HERC5: variants seen among roughly 807,000 people sequenced by gnomAD.
HERC5 encodes HECT and RLD domain containing E3 ubiquitin protein ligase 5, also known as E3 ISG15--protein ligase HERC5.
In HERC5, 99 loss-of-function variants were observed where a neutral mutation model predicts 119.6. The ratio of observed to expected loss-of-function variants is 0.83; its 90% CI spans 0.70 to 0.98. The LOEUF (loss-of-function observed/expected upper bound fraction) is 0.98. Among genes scored for constraint, HERC5 ranks in the 50% least tolerant of loss-of-function variants. HERC5 has a pLI of 0.00. For synonymous variants in HERC5, 478 were observed against 445.9 expected (o/e 1.07, Z -0.91); for missense variants, 1,267 against 1,241.3 (o/e 1.02, Z -0.31).
Position 88,463,614 on chromosome 4 carries a change from A to G in HERC5, c.771A>G (p.Leu257=), listed in dbSNP as rs1443522845. 1 of 1,611,702 alleles carries G rather than the reference A, an allele frequency of 6.2e-7. No homozygotes were observed. Among genetic ancestry groups the G allele is most frequent in the Non-Finnish European group, 8.5e-7 (1 of 1,178,532 alleles). Residue 257 remains leucine (L), a synonymous_variant, in exon 5 of 23, where the codon CTA becomes CTG. Coordinates refer to ENST00000264350, the MANE Select transcript of HERC5 (RefSeq NM_016323.4). Reference sequence around the variant, plus strand: ...CTTGTGGTGGCTCTCACAGTGCCCTACTCACACAGGTGGGTGTACCCTTGT... The same window carrying G: ...CTTGTGGTGGCTCTCACAGTGCCCTGCTCACACAGGTGGGTGTACCCTTGT... ...FVACGGSHSA[L]LTQDGLLFTF... is the part of the protein sequence containing the mutation.
chr4:88,463,905 T>A lies in HERC5; in HGVS notation c.831T>A (p.His277Gln), dbSNP rs374092530. ...CTGGAAAACATGGGCAACTTGGTCATAATTCAACACAGAATGAGCTAAGAC... is the reference window on the plus strand; with the variant it reads ...CTGGAAAACATGGGCAACTTGGTCAAAATTCAACACAGAATGAGCTAAGAC... ...FGAGKHGQLG[H>Q]NSTQNELRPC... Residue 277 changes from histidine (H) to glutamine (Q), a missense_variant, in exon 6 of 23, where the codon CAT becomes CAA. Physicochemically the swap from His to Gln is conservative, Grantham distance 24. Coordinates refer to ENST00000264350, the MANE Select transcript of HERC5 (RefSeq NM_016323.4). 205 of 1,613,986 alleles carry A rather than the reference T, an allele frequency of 1.3e-4. 2 individuals carry two copies. The highest frequency in any genetic ancestry group is 6.6e-4 in the Middle Eastern group (4 of 6,084).
intron 1 of HERC5, among the ~76,000 whole-genome samples, chr4:88,458,321 G>A (rs1740261729): frequency 1.3e-5 from 2 of 151,520 alleles, no homozygotes; most frequent in South Asian, 4.2e-4. Flanking sequence ...AGGCTTATGG[G>A]TTTTATGTTA....
intron 13 of HERC5, among the ~76,000 whole-genome samples, chr4:88,482,228 T>C (rs1428387581): frequency 6.6e-6 from 1 of 151,060 alleles, no homozygotes; most frequent in Non-Finnish European, 1.5e-5. Flanking sequence ...GAGAGTCGCT[T>C]GAATCCAGGA....
chr4:88,458,282 G>A (rs1301223077), intron 1 of HERC5, among the ~76,000 whole-genome samples: 3 of 152,078 alleles, frequency 2.0e-5, no homozygotes, highest in African/African-American at 7.2e-5. Context: ...ATTTTTTGGG[G>A]GGTAGTCTGT....
intron 16 of HERC5, among the ~76,000 whole-genome samples, chr4:88,492,000 T>C (rs1452617202): frequency 2.0e-5 from 3 of 152,022 alleles, no homozygotes; most frequent in Non-Finnish European, 4.4e-5. Context: ...TCCTGATTTT[T>C]ATTATTTATT....
chr4:88,473,948 A>G (rs1476838605), intron 11 of HERC5: 1 of 152,186 alleles, frequency 6.6e-6, no homozygotes, highest in African/African-American at 2.4e-5. Flanking sequence ...GAATAAGATG[A>G]TTGGATTAGA....
chr4:88,492,645 C>G (rs1405934815), intron 16 of HERC5, among the ~76,000 whole-genome samples: 2 of 151,942 alleles, frequency 1.3e-5, no homozygotes, highest in African/African-American at 4.8e-5. Flanking sequence ...ACTCTGGGGG[C>G]TGAGGCAGGA....
intron 9 of HERC5, among the ~76,000 whole-genome samples, chr4:88,470,162 A>T (rs946843209): frequency 6.6e-6 from 1 of 152,218 alleles, no homozygotes; most frequent in African/African-American, 2.4e-5. Context: ...GTTGCATCAT[A>T]ATTTGCAGAG....
At chr4:88,466,539 ATCACTTGGGGAAT>A (rs1740673563) in intron 6 of HERC5, among the ~76,000 whole-genome samples, 1 of 152,176 alleles carries the variant, frequency 6.6e-6, no homozygotes, top group Non-Finnish European at 1.5e-5. Flanking sequence ...ACTCTCCTCT[ATCACTTGGGGAAT>A]TCTGTGGGTT....
rs868461732 is a variant in HERC5, at chr4:88,462,673, C to A, written c.688+317C>A. Reference sequence around the variant, plus strand: ...CCCAGTCACTAAACTTTTCTCTAGACCTCATTTTCTTTTTCTGTCAAGTGA... The same window carrying A: ...CCCAGTCACTAAACTTTTCTCTAGAACTCATTTTCTTTTTCTGTCAAGTGA... On this transcript the variant is annotated intron_variant, in intron 4 of 22. Coordinates refer to ENST00000264350, the MANE Select transcript of HERC5 (RefSeq NM_016323.4). Among the ~76,000 whole-genome samples the A allele has an allele frequency of 3.3e-5, 5 of 152,288 alleles. No homozygotes were observed. The South Asian group carries it at 8.3e-4, about 25-fold the overall frequency.
At chr4:88,460,065 A>T in intron 2 of HERC5, 30 bp from the exon 3 acceptor site, 1 of 1,183,396 alleles carries the variant, frequency 8.5e-7, no homozygotes, top group Non-Finnish European at 1.3e-6. Flanking sequence ...CATTATGGTG[A>T]TTAACACAAA....
chr4:88,494,370 CAT>C, intron 18 of HERC5, 39 bp downstream of exon 18: 1 of 1,539,226 alleles, frequency 6.5e-7, no homozygotes, highest in Non-Finnish European at 8.9e-7. Flanking sequence ...CCCTTTCTAA[CAT>C]ATATTTAGGC....
chr4:88,459,498 ATTAATT>A lies in HERC5; in HGVS notation c.389+34_389+39del, dbSNP rs1416706597. The A allele has an allele frequency of 5.3e-6, 7 of 1,317,466 alleles. No homozygotes were observed. The South Asian group carries it at 1.0e-4, about 19-fold the overall frequency. 81.6% of individuals were successfully genotyped at this position (1,317,466 alleles called of 1,614,324 possible). ...AGGGAACTTTTTTCTTTTATTAAAAATTAATTTTAATCAAAAGACAATAATAATTTC... is the reference window on the plus strand; with the variant it reads ...AGGGAACTTTTTTCTTTTATTAAAAATTAATCAAAAGACAATAATAATTTC... On this transcript the variant is annotated intron_variant, in intron 2 of 22. Coordinates refer to ENST00000264350, the MANE Select transcript of HERC5 (RefSeq NM_016323.4).
chr4:88,500,850 T>C, intron 19 of HERC5, 65 bp from the exon 20 acceptor site: 1 of 1,205,358 alleles, frequency 8.3e-7, no homozygotes, highest in East Asian at 2.4e-5. Flanking sequence ...CCAAAGTGTT[T>C]TTATTGATGA....
chr4:88,469,142 C>G lies in HERC5; in HGVS notation c.1135-15C>G, dbSNP rs1388981740. Reference sequence around the variant, plus strand: ...TGTCTAAATTATTGTATTTTACTTTCCTGTTTGTTTACAGAATTCATATGT... The same window carrying G: ...TGTCTAAATTATTGTATTTTACTTTGCTGTTTGTTTACAGAATTCATATGT... On this transcript the variant is annotated splice_polypyrimidine_tract_variant and intron_variant, in intron 8 of 22. Coordinates refer to ENST00000264350, the MANE Select transcript of HERC5 (RefSeq NM_016323.4). 1 of 1,550,354 alleles carries G rather than the reference C, an allele frequency of 6.5e-7. No individual in the cohort carries two copies. The highest frequency in any genetic ancestry group is 8.9e-7 in the Non-Finnish European group (1 of 1,123,416).
At chr4:88,466,996 T>C in intron 6 of HERC5, 63 bp from the exon 7 acceptor site, 1 of 1,542,318 alleles carries the variant, frequency 6.5e-7, no homozygotes, top group East Asian at 2.3e-5. Flanking sequence ...ATTTACTGTA[T>C]TGCTAAACAC....
At chr4:88,480,484 A>C (rs2149098242) in intron 13 of HERC5, among the ~76,000 whole-genome samples, 1 of 152,098 alleles carries the variant, frequency 6.6e-6, no homozygotes, top group South Asian at 2.1e-4. Context: ...TCTATGAGAA[A>C]ACATGCTGCT....
At chr4:88,489,067 C>T in intron 15 of HERC5, 99 bp from the exon 16 acceptor site, 1 of 870,754 alleles carries the variant, frequency 1.1e-6, no homozygotes, top group Non-Finnish European at 1.8e-6. Context: ...ATGTGACCTG[C>T]ACTTATAAGC....
At chr4:88,459,046 T>G (rs1478766541) in intron 1 of HERC5, among the ~76,000 whole-genome samples, 2 of 152,230 alleles carry the variant, frequency 1.3e-5, no homozygotes, top group African/African-American at 2.4e-5. Flanking sequence ...ATTTCAAATT[T>G]CGTTCGTCTT....
Sources: allele counts gnomAD v4.1 joint callset (sites outside exome capture counted in the v4.1 genomes callset), GRCh38; gene constraint gnomAD v4.1.1; transcripts MANE v1.5; gene names NCBI Gene and HGNC (gene_info 2026-07-23, HGNC 2026-07-21).